SLC2A12: variants seen among roughly 807,000 people sequenced by gnomAD.
SLC2A12 encodes solute carrier family 2, facilitated glucose transporter member 12.
SLC2A12 carries 23 observed loss-of-function variants against 41.8 expected under a neutral mutation model. That is an observed-to-expected ratio of 0.55 (90% CI 0.40 to 0.78). The LOEUF (loss-of-function observed/expected upper bound fraction) is 0.78. Ranked by LOEUF, SLC2A12 falls within the 30% of genes least tolerant of loss-of-function variation. The pLI is 0.00. For synonymous variants in SLC2A12, 295 were observed against 285.9 expected, an observed-to-expected ratio of 1.03 and a Z score of -0.32; for missense variants, 654 against 745.6, an observed-to-expected ratio of 0.88 and a Z score of 1.43.
intron 2 of SLC2A12, among the ~76,000 whole-genome samples, chr6:134,008,800 G>A (rs1203194238): frequency 6.6e-6 from 1 of 152,154 alleles, no homozygotes; most frequent in African/African-American, 2.4e-5. Flanking sequence ...CCCTTTCCTG[G>A]CATGGGTATT....
chr6:134,024,733 G>T (rs912559655), intron 2 of SLC2A12, among the ~76,000 whole-genome samples: 23 of 152,124 alleles, frequency 1.5e-4, no homozygotes, highest in African/African-American at 5.3e-4. Flanking sequence ...TATATAAATG[G>T]TCATCATGAT....
At chr6:134,032,840 T>C (rs1777240582) in intron 1 of SLC2A12, among the ~76,000 whole-genome samples, 1 of 143,902 alleles carries the variant, frequency 6.9e-6, no homozygotes, top group African/African-American at 2.6e-5. Context: ...ATATTATTTA[T>C]ATATAAATAT....
At chr6:134,015,074 G>A (rs923082824) in intron 2 of SLC2A12, among the ~76,000 whole-genome samples, 2 of 152,100 alleles carry the variant, frequency 1.3e-5, no homozygotes, top group African/African-American at 4.8e-5. Context: ...AATGACCTTT[G>A]ACTTAATTAG....
rs756864439 is a variant in SLC2A12, at chr6:133,991,149, A to C, written c.*6T>G. ...CACTATCCACGTTCAGAAGGTGTTG[A>C]GGCCATTAGGTCTCTGGAGAAAGCT... On this transcript the variant is annotated 3_prime_UTR_variant, in exon 5 of 5. Coordinates refer to ENST00000275230, the MANE Select transcript of SLC2A12 (RefSeq NM_145176.3). 1.2e-6 allele frequency: 2 copies of C among 1,609,592 alleles called. No homozygotes were observed. The highest frequency in any genetic ancestry group is 1.7e-6 in the Non-Finnish European group (2 of 1,178,732).
At chr6:134,019,437 T>C (rs1369219368) in intron 2 of SLC2A12, among the ~76,000 whole-genome samples, 1 of 152,238 alleles carries the variant, frequency 6.6e-6, no homozygotes, top group Non-Finnish European at 1.5e-5. Flanking sequence ...GCTTGAACCA[T>C]GTTAGAAAAA....
chr6:134,018,041 G>A (rs1302325752), intron 2 of SLC2A12, among the ~76,000 whole-genome samples: 1 of 151,922 alleles, frequency 6.6e-6, no homozygotes, highest in Non-Finnish European at 1.5e-5. Context: ...CGGTCTCTGT[G>A]GTCCTGACTC....
rs10689126 is a variant in SLC2A12, at chr6:134,022,533, AAAAAGAAAAGAAAAGAAAAGAAAAG to A, written c.1444+5823_1444+5847del. ...GTGACAAGAGTGAAACTCCATCTCAAAAAAGAAAAGAAAAGAAAAGAAAAGAAAAGAAAAGAAAAGAAAAGAAAAG... is the reference window on the plus strand; with the variant it reads ...GTGACAAGAGTGAAACTCCATCTCAAAAAAGAAAAGAAAAGAAAAGAAAAG... On this transcript the variant is annotated intron_variant, in intron 2 of 4. Transcript: ENST00000275230. Among the ~76,000 whole-genome samples, 1,178 of 142,222 alleles carry A rather than the reference AAAAAGAAAAGAAAAGAAAAGAAAAG, an allele frequency of 8.3e-3. 17 individuals carry two copies. Among genetic ancestry groups the A allele is most frequent in the South Asian group, 0.024 (104 of 4,278 alleles). The allele number at this position is 142,222 out of a possible 152,430, so 93.3% of individuals were successfully genotyped here.
In SLC2A12 at chr6:134,011,342, C is replaced by A. The variant is rs533705665; in HGVS notation, c.1445-4408G>T. Among the ~76,000 whole-genome samples the A allele has an allele frequency of 2.2e-3, 338 of 152,182 alleles. 2 individuals are homozygous for A. The highest frequency in any genetic ancestry group is 8.0e-3 in the African/African-American group (333 of 41,512). On this transcript the variant is annotated intron_variant, in intron 2 of 4. Transcript: ENST00000275230. The stretch of plus-strand genomic sequence containing the variant: ...GGGTTCTTTAAAAATAAGTATACGA[C>A]CAGGTGTGATGGTTCACTCCTGTAA...
chr6:134,039,317 T>C (rs1777348956), intron 1 of SLC2A12, among the ~76,000 whole-genome samples: 1 of 152,244 alleles, frequency 6.6e-6, no homozygotes, highest in Admixed American at 6.5e-5. Flanking sequence ...GTCATTGATC[T>C]ATTTGCATCT....
intron 1 of SLC2A12, among the ~76,000 whole-genome samples, chr6:134,032,461 T>TAA (rs1562201727): frequency 1.2e-3 from 44 of 37,588 alleles, no homozygotes; most frequent in African/African-American, 4.8e-3. Context: ...TATATATATA[T>TAA]ATATTTTTAT....
In SLC2A12 at chr6:134,050,921, TTTA is replaced by T. The variant is rs368163308; in HGVS notation, c.103+1454_103+1456del. ...ATTGAAAGATGACCCCAGATATTCT[TTTA>T]TTATTATTATTATTATTATGTTAGA... On this transcript the variant is annotated intron_variant, in intron 1 of 4. Coordinates refer to ENST00000275230, the MANE Select transcript of SLC2A12 (RefSeq NM_145176.3). 4.8e-4 allele frequency among the ~76,000 whole-genome samples: 73 copies of T among 151,600 alleles called. No homozygotes were observed. The South Asian group carries it at 7.7e-3, about 16-fold the overall frequency.
intron 1 of SLC2A12, among the ~76,000 whole-genome samples, chr6:134,037,946 G>C (rs1344674362): frequency 6.6e-6 from 1 of 152,078 alleles, no homozygotes; most frequent in Non-Finnish European, 1.5e-5. Flanking sequence ...CTTGGCATTG[G>C]ACCCTGCATG....
At chr6:134,037,058 T>C (rs1777310759) in intron 1 of SLC2A12, among the ~76,000 whole-genome samples, 1 of 152,090 alleles carries the variant, frequency 6.6e-6, no homozygotes, top group Non-Finnish European at 1.5e-5. Context: ...TTCTGTGTTC[T>C]TTCCCAGGTC....
chr6:134,026,472 T>A (rs1777113315), intron 2 of SLC2A12, among the ~76,000 whole-genome samples: 1 of 152,042 alleles, frequency 6.6e-6, no homozygotes, highest in Admixed American at 6.6e-5. Context: ...ATAAAGAAAA[T>A]AATAAAAATG....
chr6:134,025,297 A>G (rs1434297615), intron 2 of SLC2A12, among the ~76,000 whole-genome samples: 1 of 152,172 alleles, frequency 6.6e-6, no homozygotes, highest in African/African-American at 2.4e-5. Context: ...ACATGTTTTC[A>G]TTTATTTCAG....
chr6:134,034,420 G>A (rs1242197949), intron 1 of SLC2A12, among the ~76,000 whole-genome samples: 4 of 152,100 alleles, frequency 2.6e-5, no homozygotes, highest in African/African-American at 9.7e-5. Context: ...CTTTCCATTT[G>A]GGGTTTTGAA....
Position 134,028,427 on chromosome 6 carries a change from G to A in SLC2A12, c.1398C>T (p.Ala466=). 2 of 1,614,030 alleles carry A rather than the reference G, an allele frequency of 1.2e-6. No homozygotes were observed. Among genetic ancestry groups the A allele is most frequent in the East Asian group, 4.5e-5 (2 of 44,876 alleles). ...VPAFLKWLSL[A]SLLVYVAAFS... is the part of the protein sequence containing the mutation. Reference sequence around the variant, plus strand: ...AAGCAGCAACATAAACAAGCAAGCTGGCTAAGGACAGCCATTTCAAAAAAG... The same window carrying A: ...AAGCAGCAACATAAACAAGCAAGCTAGCTAAGGACAGCCATTTCAAAAAAG... The change falls in exon 2 of 5, where the codon GCC becomes GCT. Residue 466 remains alanine, a synonymous_variant. Transcript: ENST00000275230.
At chr6:134,051,217 C>A (rs750222534) in intron 1 of SLC2A12, among the ~76,000 whole-genome samples, 8 of 152,170 alleles carry the variant, frequency 5.3e-5, no homozygotes, top group African/African-American at 9.7e-5. Context: ...TGAGCCACCA[C>A]GCCCGGCCTC....
chr6:134,031,104 G>A (rs1777198843), intron 1 of SLC2A12, among the ~76,000 whole-genome samples: 1 of 152,090 alleles, frequency 6.6e-6, no homozygotes, highest in African/African-American at 2.4e-5. Flanking sequence ...CACTACACTT[G>A]TTCAGGGCTG....
Sources: allele counts gnomAD v4.1 joint callset (sites outside exome capture counted in the v4.1 genomes callset), GRCh38; gene constraint gnomAD v4.1.1; transcripts MANE v1.5; gene names NCBI Gene and HGNC (gene_info 2026-07-23, HGNC 2026-07-21).